Variants in STAU2 observed in about 807,000 individuals in gnomAD.
STAU2 encodes staufen double-stranded RNA binding protein 2.
A neutral mutation model predicts 65.9 loss-of-function variants in STAU2; 20 were observed. The ratio of observed to expected loss-of-function variants is 0.30; its 90% CI spans 0.21 to 0.44. The LOEUF (loss-of-function observed/expected upper bound fraction) is 0.44. STAU2 is among the 20% of genes least tolerant of loss of function. The pLI, the probability that STAU2 is intolerant of heterozygous loss-of-function variation, is 1.00. For missense variants in STAU2, 558 were observed against 683.9 expected, an observed-to-expected ratio of 0.82 and a Z score of 2.05; for synonymous variants, 232 against 233.9, an observed-to-expected ratio of 0.99 and a Z score of 0.07.
At chr8:73,705,979 G>A (rs558882590) in intron 4 of STAU2, among the ~76,000 whole-genome samples, 2 of 152,168 alleles carry the variant, frequency 1.3e-5, no homozygotes, top group South Asian at 4.2e-4. Flanking sequence ...TTAAATTAAC[G>A]GGATGAGACT....
At chr8:73,530,692 G>A (rs1434008399) in intron 13 of STAU2, among the ~76,000 whole-genome samples, 1 of 152,124 alleles carries the variant, frequency 6.6e-6, no homozygotes, top group African/African-American at 2.4e-5. Flanking sequence ...GGGCTTGGAG[G>A]TATCTGAGAG....
intron 6 of STAU2, among the ~76,000 whole-genome samples, chr8:73,623,357 A>G (rs537005887): frequency 6.6e-6 from 1 of 152,330 alleles, no homozygotes; most frequent in East Asian, 1.9e-4. Context: ...GGTGAGAAAG[A>G]CATATCCCAA....
chr8:73,551,851 C>T (rs1337524586), intron 13 of STAU2, 161 bp downstream of exon 13: 4 of 1,306,842 alleles, frequency 3.1e-6, no homozygotes, highest in African/African-American at 3.0e-5. Context: ...GAGGCATGTG[C>T]ATATGGCTTT....
chr8:73,627,076 C>T (rs894802352), intron 6 of STAU2, among the ~76,000 whole-genome samples: 2 of 151,666 alleles, frequency 1.3e-5, no homozygotes, highest in Non-Finnish European at 2.9e-5. Context: ...CCTGGCAAGG[C>T]GATCTGGGGG....
intron 6 of STAU2, among the ~76,000 whole-genome samples, chr8:73,622,177 A>C (rs10088238): frequency 2.6e-5 from 2 of 77,376 alleles, no homozygotes; most frequent in East Asian, 9.3e-4. Context: ...CCAGGCTGGA[A>C]TGCAGTGGCG....
intron 13 of STAU2, among the ~76,000 whole-genome samples, chr8:73,497,649 G>C (rs1334076999): frequency 6.6e-6 from 1 of 151,680 alleles, no homozygotes; most frequent in Non-Finnish European, 1.5e-5. Context: ...ACTTGTAATA[G>C]AACCTCTGCA....
At chr8:73,708,158 T>C (rs1442109050) in intron 4 of STAU2, among the ~76,000 whole-genome samples, 1 of 152,200 alleles carries the variant, frequency 6.6e-6, no homozygotes, top group Non-Finnish European at 1.5e-5. Flanking sequence ...ATAAAAACCA[T>C]TAATAGAAAA....
intron 3 of STAU2, among the ~76,000 whole-genome samples, chr8:73,713,278 A>C (rs1029770716): frequency 3.3e-5 from 5 of 152,304 alleles, no homozygotes; most frequent in African/African-American, 1.2e-4. Flanking sequence ...CTGGAATTTG[A>C]ATCTTCATTT....
chr8:73,584,893 G>A (rs941507792), intron 11 of STAU2, among the ~76,000 whole-genome samples: 1 of 152,172 alleles, frequency 6.6e-6, no homozygotes, highest in Non-Finnish European at 1.5e-5. Flanking sequence ...TTATTCACAT[G>A]AAAACCTGGT....
intron 13 of STAU2, among the ~76,000 whole-genome samples, chr8:73,470,397 T>A (rs899601293): frequency 6.6e-6 from 1 of 152,236 alleles, no homozygotes; most frequent in Admixed American, 6.5e-5. Flanking sequence ...TAATACCCAA[T>A]ACAGGGTAGC....
intron 6 of STAU2, among the ~76,000 whole-genome samples, chr8:73,645,054 G>C (rs1172582888): frequency 6.6e-6 from 1 of 152,110 alleles, no homozygotes; most frequent in African/African-American, 2.4e-5. Flanking sequence ...GAAAACAGAA[G>C]AGGAGAGAAT....
intron 13 of STAU2, among the ~76,000 whole-genome samples, chr8:73,489,828 T>C (rs1185942195): frequency 6.6e-6 from 1 of 152,002 alleles, no homozygotes; most frequent in Non-Finnish European, 1.5e-5. Flanking sequence ...AGAAAGTTTC[T>C]TAGGAGCATT....
chr8:73,692,003 C>T (rs1005250787), intron 4 of STAU2, among the ~76,000 whole-genome samples: 7 of 152,114 alleles, frequency 4.6e-5, no homozygotes, highest in Non-Finnish European at 1.0e-4. Flanking sequence ...CTATCCACCA[C>T]GGAGGAAAGA....
chr8:73,726,027 T>G (rs553052813), intron 3 of STAU2, among the ~76,000 whole-genome samples: 221 of 151,984 alleles, frequency 1.5e-3, no homozygotes, highest in African/African-American at 5.3e-3. Context: ...TTTTTTAATA[T>G]TTCTTCTACT....
At chr8:73,630,195 T>G (rs1813983098) in intron 6 of STAU2, among the ~76,000 whole-genome samples, 1 of 152,270 alleles carries the variant, frequency 6.6e-6, no homozygotes, top group Non-Finnish European at 1.5e-5. Context: ...CTATGTGGAT[T>G]TCAATTACCT....
Position 73,503,168 on chromosome 8 carries a change from T to C in STAU2, c.1530+48844A>G, listed in dbSNP as rs1339822113. Among the ~76,000 whole-genome samples the C allele has an allele frequency of 2.6e-5, 4 of 152,120 alleles. No homozygotes were observed. The South Asian group carries it at 6.2e-4, about 24-fold the overall frequency. The stretch of plus-strand genomic sequence containing the variant: ...AAGGTCTGAATGACAGGTGCCCTCA[T>C]AGCTGTGGAAAAGACACGCTGCATA... On this transcript the variant is annotated intron_variant, in intron 13 of 14. Transcript: ENST00000524300.
At chr8:73,739,948 C>G (rs1205194869) in intron 1 of STAU2, 80 bp from the exon 2 acceptor site, 8 of 678,644 alleles carry the variant, frequency 1.2e-5, no homozygotes, top group Non-Finnish European at 2.1e-5. Context: ...GTCACCTTCT[C>G]TCACTCATTT....
chr8:73,738,854 T>C (rs989639472), intron 2 of STAU2, among the ~76,000 whole-genome samples: 3 of 152,342 alleles, frequency 2.0e-5, no homozygotes, highest in African/African-American at 4.8e-5. Flanking sequence ...TTCTCTTAGA[T>C]GGTATGGAAA....
chr8:73,627,938 C>T lies in STAU2; in HGVS notation c.411-10487G>A, dbSNP rs1156263869. Among the ~76,000 whole-genome samples the T allele has an allele frequency of 2.6e-5, 4 of 151,940 alleles. No individual in the cohort carries two copies. In the East Asian group the frequency reaches 7.7e-4, roughly 29 times the overall value. ...GTCTGTATCAACTTTCAGCTTTATT[C>T]AAGTGACAAACCAGTTGAAAATTAT... On this transcript the variant is annotated intron_variant, in intron 6 of 14. Coordinates refer to ENST00000524300, the MANE Select transcript of STAU2 (RefSeq NM_001164380.2).
Sources: gnomAD v4.1 joint callset for allele counts (sites outside exome capture counted in the v4.1 genomes callset) on GRCh38, gnomAD v4.1.1 for gene constraint, MANE v1.5 for transcripts, NCBI Gene and HGNC (gene_info 2026-07-23, HGNC 2026-07-21) for gene names.